OLFML2B: variants seen among roughly 807,000 people sequenced by gnomAD.
OLFML2B encodes olfactomedin-like protein 2B.
A neutral mutation model predicts 74.9 loss-of-function variants in OLFML2B; 57 were observed. The observed-to-expected ratio is 0.76, with a 90% CI of 0.61 to 0.95. The LOEUF (loss-of-function observed/expected upper bound fraction) is 0.95. Among genes scored for constraint, OLFML2B ranks in the 40% least tolerant of loss-of-function variants. The pLI, the probability that OLFML2B is intolerant of heterozygous loss-of-function variation, is 0.00. For synonymous variants in OLFML2B, 388 were observed against 405.8 expected, an observed-to-expected ratio of 0.96 and a Z score of 0.53; for missense variants, 986 against 970.6, an observed-to-expected ratio of 1.02 and a Z score of -0.21.
intron 1 of OLFML2B, among the ~76,000 whole-genome samples, chr1:162,021,184 G>A (rs1229162184): frequency 6.6e-6 from 1 of 152,238 alleles, no homozygotes; most frequent in Non-Finnish European, 1.5e-5. Context: ...TGGAGAAAGG[G>A]AATTGAGAGG....
chr1:161,986,386 G>C (rs1689593622), intron 6 of OLFML2B, among the ~76,000 whole-genome samples: 1 of 152,236 alleles, frequency 6.6e-6, no homozygotes, highest in African/African-American at 2.4e-5. Context: ...TGACAGGACA[G>C]GAGCAAGCAG....
At chr1:162,018,317 T>C (rs1221179171) in intron 2 of OLFML2B, among the ~76,000 whole-genome samples, 1 of 152,180 alleles carries the variant, frequency 6.6e-6, no homozygotes, top group East Asian at 1.9e-4. Context: ...GCAAGCAGTG[T>C]CTCTGTATCC....
intron 3 of OLFML2B, among the ~76,000 whole-genome samples, chr1:162,010,536 C>T (rs1227901399): frequency 4.6e-5 from 7 of 152,170 alleles, no homozygotes; most frequent in African/African-American, 1.4e-4. Context: ...GCCAGCACAA[C>T]CAGATGTGTA....
Position 162,020,021 on chromosome 1 carries a change from C to T in OLFML2B, c.336G>A (p.Ser112=), listed in dbSNP as rs149440032. 397 of 1,614,080 alleles carry T rather than the reference C, an allele frequency of 2.5e-4. 2 individuals carry two copies. Among genetic ancestry groups the T allele is most frequent in the Non-Finnish European group, 9.8e-5 (116 of 1,180,042 alleles). The change falls in exon 2 of 8, where the codon TCG becomes TCA. Residue 112 remains serine, a synonymous_variant. Transcript: ENST00000294794. ...GTGCTACACAGGCACACTTGCACGA[C>T]GAGCCTGAGGTGATGGTTTCCACGG... is the stretch of plus-strand genomic sequence containing the variant. ...FYTVETITSG[S]SCKCACVAPP... is the part of the protein sequence containing the mutation.
At chr1:161,999,140 T>C (rs998553001) in intron 5 of OLFML2B, among the ~76,000 whole-genome samples, 1 of 152,154 alleles carries the variant, frequency 6.6e-6, no homozygotes, top group African/African-American at 2.4e-5. Context: ...TGGGGGAGGC[T>C]GCAGGATTTT....
At chr1:162,004,269 C>G (rs1241275754) in intron 4 of OLFML2B, among the ~76,000 whole-genome samples, 2 of 152,160 alleles carry the variant, frequency 1.3e-5, no homozygotes, top group African/African-American at 4.8e-5. Flanking sequence ...CAAATGTCTT[C>G]TGGCTCCTTG....
At chr1:162,016,426 C>T (rs1403772088) in intron 3 of OLFML2B, among the ~76,000 whole-genome samples, 1 of 152,178 alleles carries the variant, frequency 6.6e-6, no homozygotes, top group Non-Finnish European at 1.5e-5. Flanking sequence ...ATCGAAGAAC[C>T]TTAGCTCTTT....
chr1:162,005,491 T>C (rs7522269), intron 4 of OLFML2B, among the ~76,000 whole-genome samples: 97,130 of 152,150 alleles, frequency 0.64, 33,786 homozygotes, highest in Non-Finnish European at 0.77. Flanking sequence ...ATGGTATAGT[T>C]ATGAAAATAT....
intron 6 of OLFML2B, among the ~76,000 whole-genome samples, chr1:161,994,628 G>A (rs185930484): frequency 6.6e-6 from 1 of 152,256 alleles, no homozygotes; most frequent in Non-Finnish European, 1.5e-5. Context: ...CCAAAGCCAG[G>A]GCTGTCCCGA....
At chr1:162,008,880 G>A (rs186879918) in intron 3 of OLFML2B, among the ~76,000 whole-genome samples, 11 of 152,300 alleles carry the variant, frequency 7.2e-5, no homozygotes, top group Admixed American at 2.0e-4. Flanking sequence ...TGGGACTGAC[G>A]GGAAAAGTTC....
chr1:161,987,667 T>C (rs1689627749), intron 6 of OLFML2B, among the ~76,000 whole-genome samples: 1 of 152,190 alleles, frequency 6.6e-6, no homozygotes, highest in Admixed American at 6.5e-5. Flanking sequence ...AGAGTACATT[T>C]CTGTTTTTAG....
intron 6 of OLFML2B, among the ~76,000 whole-genome samples, chr1:161,988,299 A>G (rs1689644196): frequency 6.6e-6 from 1 of 152,134 alleles, no homozygotes; most frequent in African/African-American, 2.4e-5. Flanking sequence ...AAACCTCCTC[A>G]AATCTCAGCA....
chr1:161,997,342 T>C (rs1478167488), intron 6 of OLFML2B, among the ~76,000 whole-genome samples: 3 of 152,152 alleles, frequency 2.0e-5, no homozygotes, highest in Non-Finnish European at 4.4e-5. Flanking sequence ...TTCTATGCTC[T>C]CCATGGGTGG....
chr1:162,006,092 T>C (rs1690221371), intron 4 of OLFML2B, among the ~76,000 whole-genome samples: 1 of 152,056 alleles, frequency 6.6e-6, no homozygotes, highest in Non-Finnish European at 1.5e-5. Context: ...GCTTCAACAC[T>C]CACTGATCCT....
intron 3 of OLFML2B, among the ~76,000 whole-genome samples, chr1:162,013,912 A>G (rs1176463840): frequency 6.6e-6 from 1 of 151,196 alleles, no homozygotes; most frequent in Non-Finnish European, 1.5e-5. Flanking sequence ...ACACACACAC[A>G]CACACACACA....
intron 3 of OLFML2B, among the ~76,000 whole-genome samples, chr1:162,009,760 C>G (rs1355692531): frequency 2.6e-5 from 4 of 152,190 alleles, no homozygotes; most frequent in African/African-American, 9.7e-5. Flanking sequence ...CCCTCCTTGG[C>G]CACCCCCAGT....
At chr1:161,990,137 T>C (rs528801367) in intron 6 of OLFML2B, among the ~76,000 whole-genome samples, 1 of 152,202 alleles carries the variant, frequency 6.6e-6, no homozygotes, top group East Asian at 1.9e-4. Flanking sequence ...ATATATCAAG[T>C]AAAACAAAAA....
chr1:161,994,555 T>C (rs1689834158), intron 6 of OLFML2B, among the ~76,000 whole-genome samples: 1 of 152,218 alleles, frequency 6.6e-6, no homozygotes, highest in Admixed American at 6.5e-5. Flanking sequence ...TGCTAAAGTC[T>C]GGGAATCTGC....
chr1:162,019,899 T>C lies in OLFML2B; in HGVS notation c.438+20A>G. The C allele has an allele frequency of 6.2e-7, 1 of 1,612,570 alleles. No individual in the cohort carries two copies. On this transcript the variant is annotated intron_variant, in intron 2 of 7. Coordinates refer to ENST00000294794, the MANE Select transcript of OLFML2B (RefSeq NM_015441.3). ...AAAAGTGCCCTCTCGTCCAAGGCAT[T>C]GCCCCATACCAGGTCCTACCTTCAA...
Sources: gnomAD v4.1 joint callset for allele counts (sites outside exome capture counted in the v4.1 genomes callset) on GRCh38, gnomAD v4.1.1 for gene constraint, MANE v1.5 for transcripts, NCBI Gene and HGNC (gene_info 2026-07-23, HGNC 2026-07-21) for gene names.